OR4X1: variants seen among roughly 807,000 people sequenced by gnomAD.
OR4X1 encodes olfactory receptor family 4 subfamily X member 1, also known as olfactory receptor 4X1.
For missense variants in OR4X1, 509 were observed against 368.1 expected (o/e 1.38, Z -3.13); for synonymous variants, 183 against 142.6 (o/e 1.28, Z -2.02).
At position 48,264,622 on chromosome 11, in the gene OR4X1, G is replaced by A. The variant is rs770410533; in HGVS notation, c.762G>A (p.Leu254=). The A allele has an allele frequency of 1.2e-6, 2 of 1,613,858 alleles. No homozygotes were observed. Among genetic ancestry groups the A allele is most frequent in the African/African-American group, 1.3e-5 (1 of 74,856 alleles). Residue 254 remains leucine (L), a synonymous_variant, in exon 1 of 1, where the codon TTG becomes TTA. Coordinates refer to ENST00000320048, the MANE Select transcript of OR4X1 (RefSeq NM_001004726.1). ...VVDLFFIPCS[L]VYIRPCVTLP... ...ACCTGTTCTTCATACCTTGCTCCTT[G>A]GTCTATATTAGGCCCTGTGTCACCC...
rs752824706 is a variant in OR4X1 at position 48,264,190 on chromosome 11, C to T, written c.330C>T (p.Ala110=). The change falls in exon 1 of 1, where the codon GCC becomes GCT. Residue 110 remains alanine, a synonymous_variant. Coordinates refer to ENST00000320048, the MANE Select transcript of OR4X1 (RefSeq NM_001004726.1). The part of the protein sequence containing the change: ...FSLHFFGGTE[A]FLLMVMAYDR... ...TCCATTTCTTTGGTGGCACTGAGGC[C>T]TTTCTCCTGATGGTGATGGCCTATG... 6 of 1,614,076 alleles carry T rather than the reference C, an allele frequency of 3.7e-6. No individual in the cohort carries two copies. In the Admixed American group the frequency reaches 6.7e-5, roughly 18 times the overall value.
Position 48,264,014 on chromosome 11 carries a change from G to C in OR4X1, c.154G>C (p.Val52Leu). The stretch of plus-strand genomic sequence containing the variant: ...TGTGGTGACCATCCTGGCCAGCAAA[G>C]TGCTCACCTCCCCCATGTATTTCTT... ...LIVVTILASK[V>L]LTSPMYFFLS... Residue 52 changes from valine (V) to leucine (L), a missense_variant, in exon 1 of 1, where the codon GTG becomes CTG. Val to Leu is a conservative substitution (Grantham distance 32). Transcript: ENST00000320048. The C allele has an allele frequency of 6.2e-7, 1 of 1,614,084 alleles. No individual in the cohort carries two copies. Among genetic ancestry groups the C allele is most frequent in the Non-Finnish European group, 8.5e-7 (1 of 1,180,000 alleles).
chr11:48,264,307 G>A lies in OR4X1; in HGVS notation c.447G>A (p.Gly149=). The stretch of plus-strand genomic sequence containing the variant: ...TCCTCGTGAGGATAGCATGGGGCGG[G>A]GGCCTGCTGCATTCTGTTGGGCAAA... ...CGLLVRIAWG[G]GLLHSVGQTF... is the part of the protein sequence containing the mutation. The change falls in exon 1 of 1, where the codon GGG becomes GGA. Residue 149 remains glycine (G), a synonymous_variant. Transcript: ENST00000320048. 6.2e-7 allele frequency: 1 copy of A among 1,613,988 alleles called. No homozygotes were observed.
In OR4X1 at chr11:48,264,482, A is replaced by T. The variant is rs1381326231; in HGVS notation, c.622A>T (p.Ser208Cys). ...CAATGGCGGCTCCATCTCCGTAGTC[A>T]GTTTCTTCGTGCTGATGGCTTCCTA... ...ITNGGSISVVSFFVLMASYLI... is the reference protein window; with the variant it reads ...ITNGGSISVVCFFVLMASYLI... Residue 208 changes from serine (S) to cysteine (C), a missense_variant, in exon 1 of 1, where the codon AGT becomes TGT. Transcript: ENST00000320048. The T allele has an allele frequency of 3.7e-6, 6 of 1,613,970 alleles. No homozygotes were observed. The highest frequency in any genetic ancestry group is 1.7e-4 in the Middle Eastern group (1 of 6,060).
chr11:48,264,352 C>A lies in OR4X1; in HGVS notation c.492C>A (p.Leu164=). The A allele has an allele frequency of 6.2e-7, 1 of 1,614,030 alleles. No individual in the cohort carries two copies. Residue 164 remains leucine, a synonymous_variant, in exon 1 of 1, where the codon CTC becomes CTA. Transcript: ENST00000320048. The part of the protein sequence containing the change: ...SVGQTFLIFQ[L]PFCGPNIMDH... ...GGCAAACCTTCCTGATTTTCCAGCT[C>A]CCGTTCTGTGGCCCCAACATCATGG... is the stretch of plus-strand genomic sequence containing the variant.
rs778196704 is a variant in OR4X1, at chr11:48,264,070, C to T, written c.210C>T (p.Cys70=). ...FLSYLSFVEI[C]YCSVMAPKLI... ...GCTACTTATCCTTTGTGGAGATCTG[C>T]TACTGTTCTGTCATGGCCCCCAAGC... The change falls in exon 1 of 1, where the codon TGC becomes TGT. Residue 70 remains cysteine, a synonymous_variant. Transcript: ENST00000320048. 5.6e-6 allele frequency: 9 copies of T among 1,613,594 alleles called. No individual in the cohort carries two copies. The Admixed American group carries it at 1.3e-4, about 24-fold the overall frequency.
chr11:48,264,626 T>C lies in OR4X1; in HGVS notation c.766T>C (p.Tyr256His), dbSNP rs769062913. The change falls in exon 1 of 1, where the codon TAT becomes CAT. Residue 256 changes from tyrosine (Y) to histidine (H), a missense_variant. Coordinates refer to ENST00000320048, the MANE Select transcript of OR4X1 (RefSeq NM_001004726.1). ...DLFFIPCSLV[Y>H]IRPCVTLPAD... ...GTTCTTCATACCTTGCTCCTTGGTC[T>C]ATATTAGGCCCTGTGTCACCCTCCC... 34 of 1,614,158 alleles carry C rather than the reference T, an allele frequency of 2.1e-5. No homozygotes were observed. The highest frequency in any genetic ancestry group is 2.7e-5 in the Non-Finnish European group (32 of 1,180,000).
rs752837265 is a variant in OR4X1, at chr11:48,264,107, T to C, written c.247T>C (p.Ser83Pro). 6.2e-7 allele frequency: 1 copy of C among 1,614,046 alleles called. No individual in the cohort carries two copies. Among genetic ancestry groups the C allele is most frequent in the Non-Finnish European group, 8.5e-7 (1 of 1,179,994 alleles). Residue 83 changes from serine to proline, a missense_variant, in exon 1 of 1, where the codon TCC becomes CCC. Transcript: ENST00000320048. ...CATGGCCCCCAAGCTTATCTTTGAC[T>C]CCTTTATCAAGAGGAAAGTCATTTC... Reference protein sequence around the residue: ...SVMAPKLIFDSFIKRKVISLK... With the variant: ...SVMAPKLIFDPFIKRKVISLK...
chr11:48,264,457 C>A lies in OR4X1; in HGVS notation c.597C>A (p.Thr199=), dbSNP rs201461069. 3 of 1,613,896 alleles carry A rather than the reference C, an allele frequency of 1.9e-6. No homozygotes were observed. The highest frequency in any genetic ancestry group is 2.2e-5 in the East Asian group (1 of 44,852). ...TCTTCATTAGCCTGCTGATCATCAC[C>A]AATGGCGGCTCCATCTCCGTAGTCA... The part of the protein sequence containing the change: ...DTFFISLLII[T]NGGSISVVSF... The change falls in exon 1 of 1, where the codon ACC becomes ACA. Residue 199 remains threonine (T), a synonymous_variant. Coordinates refer to ENST00000320048, the MANE Select transcript of OR4X1 (RefSeq NM_001004726.1).
At position 48,264,653 on chromosome 11, in the gene OR4X1, G is replaced by T; in HGVS notation, c.793G>T (p.Ala265Ser). The T allele has an allele frequency of 6.2e-7, 1 of 1,613,922 alleles. No homozygotes were observed. Among genetic ancestry groups the T allele is most frequent in the Non-Finnish European group, 8.5e-7 (1 of 1,179,860 alleles). The change falls in exon 1 of 1, where the codon GCA becomes TCA. Residue 265 changes from alanine (A) to serine (S), a missense_variant. By Grantham distance (99) the Ala-to-Ser change is moderately conservative. Transcript: ENST00000320048. Reference sequence around the variant, plus strand: ...TATTAGGCCCTGTGTCACCCTCCCTGCAGACAAGATAGTTGCTGTATTTTA... The same window carrying T: ...TATTAGGCCCTGTGTCACCCTCCCTTCAGACAAGATAGTTGCTGTATTTTA... ...VYIRPCVTLP[A>S]DKIVAVFYTV...
Position 48,263,980 on chromosome 11 carries a change from T to C in OR4X1, c.120T>C (p.Asn40=). 6.2e-7 allele frequency: 1 copy of C among 1,613,966 alleles called. No homozygotes were observed. The highest frequency in any genetic ancestry group is 8.5e-7 in the Non-Finnish European group (1 of 1,179,846). Residue 40 remains asparagine (N), a synonymous_variant, in exon 1 of 1, where the codon AAT becomes AAC. Coordinates refer to ENST00000320048, the MANE Select transcript of OR4X1 (RefSeq NM_001004726.1). Reference sequence around the variant, plus strand: ...TGTACACAGCTGTTGTGCTGGGCAATGGCCTCATTGTGGTGACCATCCTGG... The same window carrying C: ...TGTACACAGCTGTTGTGCTGGGCAACGGCCTCATTGTGGTGACCATCCTGG... ...LLMYTAVVLG[N]GLIVVTILAS...
Position 48,264,219 on chromosome 11 carries a change from G to C in OR4X1, c.359G>C (p.Arg120Pro), listed in dbSNP as rs570472966. ...CTCCTGATGGTGATGGCCTATGACCGCTATGTGGCCATCTGCAAGCCCTTG... is the reference window on the plus strand; with the variant it reads ...CTCCTGATGGTGATGGCCTATGACCCCTATGTGGCCATCTGCAAGCCCTTG... Reference protein sequence around the residue: ...AFLLMVMAYDRYVAICKPLHY... With the variant: ...AFLLMVMAYDPYVAICKPLHY... Residue 120 changes from arginine to proline, a missense_variant, in exon 1 of 1, where the codon CGC becomes CCC. Transcript: ENST00000320048. The C allele has an allele frequency of 6.2e-7, 1 of 1,614,042 alleles. No homozygotes were observed. The highest frequency in any genetic ancestry group is 1.1e-5 in the South Asian group (1 of 91,076).
In OR4X1 at chr11:48,264,090, C is replaced by T; in HGVS notation, c.230C>T (p.Pro77Leu). Residue 77 changes from proline to leucine, a missense_variant, in exon 1 of 1, where the codon CCC becomes CTC. Pro to Leu is a moderately conservative substitution (Grantham distance 98). Transcript: ENST00000320048. The part of the protein sequence containing the change: ...VEICYCSVMA[P>L]KLIFDSFIKR... ...ATCTGCTACTGTTCTGTCATGGCCC[C>T]CAAGCTTATCTTTGACTCCTTTATC... 6.2e-7 allele frequency: 1 copy of T among 1,613,682 alleles called. No homozygotes were observed. The highest frequency in any genetic ancestry group is 1.1e-5 in the South Asian group (1 of 91,056).
chr11:48,264,556 C>A lies in OR4X1; in HGVS notation c.696C>A (p.His232Gln), dbSNP rs200759142. Residue 232 changes from histidine (H) to glutamine (Q), a missense_variant, in exon 1 of 1, where the codon CAC becomes CAA. Coordinates refer to ENST00000320048, the MANE Select transcript of OR4X1 (RefSeq NM_001004726.1). ...GAAGCCACAACTTGGAGGGGCAGCA[C>A]AAGGCCCTCTCCACCTGTGCCTCTC... ...FLRSHNLEGQ[H>Q]KALSTCASHV... 3 of 1,614,046 alleles carry A rather than the reference C, an allele frequency of 1.9e-6. No homozygotes were observed. Among genetic ancestry groups the A allele is most frequent in the East Asian group, 4.5e-5 (2 of 44,870 alleles).
Position 48,264,744 on chromosome 11 carries a change from C to T in OR4X1, c.884C>T (p.Ala295Val), listed in dbSNP as rs756515478. 5.6e-6 allele frequency: 9 copies of T among 1,610,702 alleles called. No individual in the cohort carries two copies. Among genetic ancestry groups the T allele is most frequent in the Middle Eastern group, 1.7e-4 (1 of 6,038 alleles). ...YSFRNAEVKN[A>V]MRRFIGGKVI The stretch of plus-strand genomic sequence containing the variant: ...TTCAGGAATGCTGAAGTGAAAAATG[C>T]CATGAGGAGATTTATTGGGGGAAAA... Residue 295 changes from alanine (A) to valine (V), a missense_variant, in exon 1 of 1, where the codon GCC becomes GTC. Coordinates refer to ENST00000320048, the MANE Select transcript of OR4X1 (RefSeq NM_001004726.1).
In OR4X1 at chr11:48,263,923, G is replaced by T. The variant is rs1859321854; in HGVS notation, c.63G>T (p.Glu21Asp). ...IFVGFSQNWS[E>D]QRVISVMFLL... ...TGGGATTTTCCCAGAATTGGAGTGA[G>T]CAGAGGGTCATTTCTGTGATGTTTC... Residue 21 changes from glutamate to aspartate, a missense_variant, in exon 1 of 1, where the codon GAG (glutamate) becomes GAT (aspartate). By Grantham distance (45) the Glu-to-Asp change is conservative. Transcript: ENST00000320048. The T allele has an allele frequency of 1.9e-6, 3 of 1,613,938 alleles. No individual in the cohort carries two copies. The highest frequency in any genetic ancestry group is 2.5e-6 in the Non-Finnish European group (3 of 1,179,856).
rs374242773 is a variant in OR4X1, at chr11:48,264,658, C to A, written c.798C>A (p.Asp266Glu). The A allele has an allele frequency of 1.2e-6, 2 of 1,613,848 alleles. No homozygotes were observed. The highest frequency in any genetic ancestry group is 1.7e-5 in the Admixed American group (1 of 60,018). Residue 266 changes from aspartate to glutamate, a missense_variant, in exon 1 of 1, where the codon GAC becomes GAA. By Grantham distance (45) the Asp-to-Glu change is conservative. Transcript: ENST00000320048. Reference protein sequence around the residue: ...YIRPCVTLPADKIVAVFYTVV... With the variant: ...YIRPCVTLPAEKIVAVFYTVV... ...GGCCCTGTGTCACCCTCCCTGCAGACAAGATAGTTGCTGTATTTTATACAG... is the reference window on the plus strand; with the variant it reads ...GGCCCTGTGTCACCCTCCCTGCAGAAAAGATAGTTGCTGTATTTTATACAG...
Position 48,264,436 on chromosome 11 carries a change from C to T in OR4X1, c.576C>T (p.Phe192=). ...VLELACADTF[F]ISLLIITNGG... ...AGCTGGCCTGCGCAGACACCTTCTT[C>T]ATTAGCCTGCTGATCATCACCAATG... Residue 192 remains phenylalanine (F), a synonymous_variant, in exon 1 of 1, where the codon TTC becomes TTT. Coordinates refer to ENST00000320048, the MANE Select transcript of OR4X1 (RefSeq NM_001004726.1). The T allele has an allele frequency of 7.0e-7, 1 of 1,438,658 alleles. No individual in the cohort carries two copies. The highest frequency in any genetic ancestry group is 9.7e-7 in the Non-Finnish European group (1 of 1,027,078). 89.1% of individuals were successfully genotyped at this position (1,438,658 alleles called of 1,614,324 possible).
chr11:48,264,219 G>T lies in OR4X1; in HGVS notation c.359G>T (p.Arg120Leu), dbSNP rs570472966. ...AFLLMVMAYD[R>L]YVAICKPLHY... is the part of the protein sequence containing the mutation. Reference sequence around the variant, plus strand: ...CTCCTGATGGTGATGGCCTATGACCGCTATGTGGCCATCTGCAAGCCCTTG... The same window carrying T: ...CTCCTGATGGTGATGGCCTATGACCTCTATGTGGCCATCTGCAAGCCCTTG... Residue 120 changes from arginine (R) to leucine (L), a missense_variant, in exon 1 of 1, where the codon CGC (arginine) becomes CTC (leucine). Transcript: ENST00000320048. The T allele has an allele frequency of 1.4e-5, 22 of 1,613,924 alleles. No homozygotes were observed. In the Admixed American group the frequency reaches 3.5e-4, roughly 26 times the overall value.
Sources: allele counts gnomAD v4.1 joint callset, GRCh38; gene constraint gnomAD v4.1.1; transcripts MANE v1.5; gene names NCBI Gene and HGNC (gene_info 2026-07-23, HGNC 2026-07-21).